PAPPA2: variants seen among roughly 807,000 people sequenced by gnomAD.
PAPPA2 encodes the protein pappalysin-2.
In PAPPA2, 86 loss-of-function variants were observed where a neutral mutation model predicts 176.4. The observed-to-expected ratio is 0.49, with a 90% CI of 0.41 to 0.58. The LOEUF (loss-of-function observed/expected upper bound fraction) is 0.58, where lower values mean the gene tolerates loss of function less well. Among genes scored for constraint, PAPPA2 ranks in the 20% least tolerant of loss-of-function variants. The probability of loss-of-function intolerance (pLI) is 0.00; values close to 1 mark genes in which losing one functional copy is unlikely to be tolerated. For synonymous variants in PAPPA2, 809 were observed against 852.2 expected (o/e 0.95, Z 0.88); for missense variants, 2,073 against 2,256.9 (o/e 0.92, Z 1.65).
At chr1:176,758,321 G>T (rs1165971984) in intron 14 of PAPPA2, among the ~76,000 whole-genome samples, 2 of 152,186 alleles carry the variant, frequency 1.3e-5, no homozygotes, top group African/African-American at 4.8e-5. Flanking sequence ...AAGCAGAGAT[G>T]AATCCAGAAG....
At chr1:176,574,727 A>G (rs1168707849) in intron 2 of PAPPA2, among the ~76,000 whole-genome samples, 1 of 152,240 alleles carries the variant, frequency 6.6e-6, no homozygotes, top group Non-Finnish European at 1.5e-5. Flanking sequence ...GCAAGAAAAT[A>G]CAGGGATGCT....
At chr1:176,761,065 C>A (rs1663677038) in intron 14 of PAPPA2, among the ~76,000 whole-genome samples, 1 of 152,090 alleles carries the variant, frequency 6.6e-6, no homozygotes, top group Admixed American at 6.5e-5. Flanking sequence ...TCGTGATCCG[C>A]CCGCCTCGGC....
intron 21 of PAPPA2, among the ~76,000 whole-genome samples, chr1:176,803,051 G>T (rs748814906): frequency 6.6e-6 from 1 of 152,104 alleles, no homozygotes; most frequent in Non-Finnish European, 1.5e-5. Context: ...TCTAGTTGTT[G>T]CTTGCATTTG....
chr1:176,825,550 C>T (rs1666825011), intron 21 of PAPPA2, among the ~76,000 whole-genome samples: 3 of 151,916 alleles, frequency 2.0e-5, no homozygotes, highest in Admixed American at 1.3e-4. Flanking sequence ...TTATGGGGGT[C>T]GTTAGAAGGT....
At chr1:176,823,942 T>C (rs535557843) in intron 21 of PAPPA2, among the ~76,000 whole-genome samples, 38 of 152,270 alleles carry the variant, frequency 2.5e-4, no homozygotes, top group African/African-American at 8.7e-4. Flanking sequence ...CCTGAACTAA[T>C]GTAACAGCCC....
chr1:176,532,239 GA>G (rs1649854593), intron 1 of PAPPA2, among the ~76,000 whole-genome samples: 1 of 152,196 alleles, frequency 6.6e-6, no homozygotes, highest in South Asian at 2.1e-4. Context: ...AAAGTTCAGT[GA>G]ATTGGAAGAG....
chr1:176,630,167 T>C (rs961690843), intron 3 of PAPPA2, among the ~76,000 whole-genome samples: 10 of 152,208 alleles, frequency 6.6e-5, no homozygotes, highest in African/African-American at 2.4e-4. Flanking sequence ...GCTTACAGCA[T>C]GATGTGATCA....
At chr1:176,716,475 A>G (rs1404118731) in intron 12 of PAPPA2, among the ~76,000 whole-genome samples, 1 of 149,964 alleles carries the variant, frequency 6.7e-6, no homozygotes, top group Non-Finnish European at 1.5e-5. Context: ...CAAACTCCTG[A>G]CCTCAGGTGA....
Position 176,711,893 on chromosome 1 carries a change from C to A in PAPPA2, c.3710C>A (p.Pro1237His). The change falls in exon 12 of 23, where the codon CCC becomes CAC. Residue 1237 changes from proline (P) to histidine (H), a missense_variant. Around this residue, in one of 4 missense-constraint regions of PAPPA2, gnomAD observed 846 missense variants for 857.9 expected, o/e 0.99. Coordinates refer to ENST00000367662, the MANE Select transcript of PAPPA2 (RefSeq NM_020318.3). ...CACCGTCCCCTAACTGGCTGGTTTCCCTGTGTTGCCAGTGAAAATGAAACT... is the reference window on the plus strand; with the variant it reads ...CACCGTCCCCTAACTGGCTGGTTTCACTGTGTTGCCAGTGAAAATGAAACT... ...PNHRPLTGWF[P>H]CVASENETQD... 1.2e-6 allele frequency: 2 copies of A among 1,613,404 alleles called. No individual in the cohort carries two copies. Among genetic ancestry groups the A allele is most frequent in the Non-Finnish European group, 1.7e-6 (2 of 1,179,434 alleles).
intron 20 of PAPPA2, among the ~76,000 whole-genome samples, chr1:176,799,667 A>G (rs183624542): frequency 2.0e-5 from 3 of 152,370 alleles, no homozygotes; most frequent in Non-Finnish European, 2.9e-5. Context: ...TGTGATCAAC[A>G]CAACCATCTT....
chr1:176,495,370 A>G (rs2102499148), intron 1 of PAPPA2, among the ~76,000 whole-genome samples: 1 of 152,042 alleles, frequency 6.6e-6, no homozygotes, highest in East Asian at 1.9e-4. Flanking sequence ...GAGAAACCCC[A>G]TCTCTGATAA....
At chr1:176,685,698 C>T (rs1659806605) in intron 4 of PAPPA2, among the ~76,000 whole-genome samples, 1 of 152,238 alleles carries the variant, frequency 6.6e-6, no homozygotes, top group Admixed American at 6.5e-5. Context: ...CAGGGGAAGA[C>T]TTAAATGCTG....
chr1:176,717,665 C>T (rs1351851895), intron 12 of PAPPA2, among the ~76,000 whole-genome samples: 1 of 152,238 alleles, frequency 6.6e-6, no homozygotes, highest in East Asian at 1.9e-4. Context: ...TGGGGGCTTG[C>T]CTGCCCTGCA....
intron 4 of PAPPA2, among the ~76,000 whole-genome samples, chr1:176,680,925 G>T (rs990013349): frequency 6.6e-6 from 1 of 152,182 alleles, no homozygotes; most frequent in African/African-American, 2.4e-5. Flanking sequence ...TAAATAAGGA[G>T]ATGGGGAAAA....
intron 14 of PAPPA2, among the ~76,000 whole-genome samples, chr1:176,751,561 C>T (rs1663177983): frequency 1.1e-5 from 1 of 94,644 alleles, no homozygotes; most frequent in Non-Finnish European, 2.1e-5. Flanking sequence ...CAAAAGAAGA[C>T]ATTTATGCAG....
At chr1:176,819,174 A>G (rs1666554071) in intron 21 of PAPPA2, among the ~76,000 whole-genome samples, 1 of 152,152 alleles carries the variant, frequency 6.6e-6, no homozygotes, top group African/African-American at 2.4e-5. Flanking sequence ...TGTCAGGGGG[A>G]GGGTCAGCAG....
intron 3 of PAPPA2, among the ~76,000 whole-genome samples, chr1:176,645,323 A>G (rs1657337999): frequency 6.6e-6 from 1 of 151,726 alleles, no homozygotes; most frequent in African/African-American, 2.4e-5. Flanking sequence ...TAGCTCCCAC[A>G]TATGAATGAG....
rs776562095 is a variant in PAPPA2, at chr1:176,595,480, G to A, written c.1876G>A (p.Gly626Arg). Residue 626 changes from glycine to arginine, a missense_variant, in exon 3 of 23, where the codon GGG becomes AGG. Physicochemically the swap from Gly to Arg is moderately radical, Grantham distance 125. Coordinates refer to ENST00000367662, the MANE Select transcript of PAPPA2 (RefSeq NM_020318.3). ...CTGCTACTCCTGGAACCGCAGGGAT[G>A]GGCTCTGTCACGTGGAGTGTAACAA... ...GRCYSWNRRD[G>R]LCHVECNNML... 29 of 1,614,108 alleles carry A rather than the reference G, an allele frequency of 1.8e-5. No individual in the cohort carries two copies. Among genetic ancestry groups the A allele is most frequent in the Non-Finnish European group, 2.4e-5 (28 of 1,180,062 alleles).
chr1:176,704,693 T>C (rs1207162100), intron 9 of PAPPA2, among the ~76,000 whole-genome samples: 1 of 152,218 alleles, frequency 6.6e-6, no homozygotes, highest in African/African-American at 2.4e-5. Context: ...GTAAATCTAA[T>C]GTTCCAACTA....
Sources: allele counts gnomAD v4.1 joint callset (sites outside exome capture counted in the v4.1 genomes callset), GRCh38; gene constraint gnomAD v4.1.1; regional missense constraint gnomAD v4.1.1; transcripts MANE v1.5; gene names NCBI Gene and HGNC (gene_info 2026-07-23, HGNC 2026-07-21).